HMOX2: variants seen among roughly 807,000 people sequenced by gnomAD.
HMOX2 encodes heme oxygenase 2.
Under a neutral mutation model 33.7 loss-of-function variants are expected in HMOX2, and 30 were observed. The observed-to-expected ratio is 0.89, with a 90% confidence interval of 0.67 to 1.21. The LOEUF is 1.21. HMOX2 is among the 50% of genes most tolerant of loss of function. HMOX2 has a pLI of 0.00. For missense variants in HMOX2, 403 were observed against 399.1 expected (o/e 1.01, Z -0.08); for synonymous variants, 155 against 155.0 (o/e 1.00, Z 0.00).
intron 1 of HMOX2, chr16:4,496,824 G>T (rs2058432721): frequency 6.6e-6 from 1 of 152,078 alleles, no homozygotes; most frequent in African/African-American, 2.4e-5. Flanking sequence ...TTCTGCCAAG[G>T]CAGGAATGGC....
intron 2 of HMOX2, among the ~76,000 whole-genome samples, chr16:4,506,071 A>C (rs1237988364): frequency 1.3e-5 from 2 of 151,848 alleles, no homozygotes; most frequent in Admixed American, 6.6e-5. Flanking sequence ...GTCATTGGCC[A>C]AGTTTTTTTT....
At chr16:4,499,189 T>C (rs2058498153) in intron 1 of HMOX2, among the ~76,000 whole-genome samples, 1 of 152,236 alleles carries the variant, frequency 6.6e-6, no homozygotes. Context: ...ACTTCCTCAG[T>C]AAGAGCTCAA....
At position 4,476,664 on chromosome 16, in the gene HMOX2, G is replaced by C. The variant is rs2057851488; in HGVS notation, c.-42+177G>C. The C allele has an allele frequency of 2.0e-5, 3 of 152,444 alleles. No homozygotes were observed. The South Asian group carries it at 6.2e-4, about 32-fold the overall frequency. 9.4% of individuals were successfully genotyped at this position (152,444 alleles called of 1,614,324 possible). A position where few individuals can be genotyped will look rare whatever the true frequency, so the allele number is the denominator to read the frequency against. On this transcript the variant is annotated intron_variant, in intron 1 of 5. Transcript: ENST00000570646. Reference sequence around the variant, plus strand: ...ACCCGGCCGGGGGCGGCCGGAAGCTGGGTGAGGCCGGGCAGAAGGACGAAG... The same window carrying C: ...ACCCGGCCGGGGGCGGCCGGAAGCTCGGTGAGGCCGGGCAGAAGGACGAAG...
chr16:4,495,149 A>G (rs968403359), intron 1 of HMOX2, among the ~76,000 whole-genome samples: 6 of 152,200 alleles, frequency 3.9e-5, no homozygotes, highest in Non-Finnish European at 5.9e-5. Flanking sequence ...GTTGTCATTC[A>G]TGTGCAAATC....
intron 4 of HMOX2, 62 bp from the exon 5 acceptor site, chr16:4,509,350 T>TAA (rs878966902): frequency 2.9e-4 from 405 of 1,374,870 alleles, no homozygotes; most frequent in African/African-American, 3.7e-4. Context: ...AAAAGACATT[T>TAA]AAAAAAAAAA....
chr16:4,483,973 ATTTTTTTT>A (rs34376283), intron 1 of HMOX2, among the ~76,000 whole-genome samples: 1 of 124,674 alleles, frequency 8.0e-6, no homozygotes, highest in Non-Finnish European at 1.6e-5. Context: ...ATGCCCAAAA[ATTTTTTTT>A]TTTTTTTTTT....
chr16:4,491,823 A>G (rs987914265), intron 1 of HMOX2, among the ~76,000 whole-genome samples: 5 of 151,874 alleles, frequency 3.3e-5, no homozygotes, highest in African/African-American at 7.3e-5. Context: ...AGCTAGGACT[A>G]TAGGCGCATG....
chr16:4,506,301 C>T (rs1397662521), intron 2 of HMOX2, among the ~76,000 whole-genome samples: 1 of 152,174 alleles, frequency 6.6e-6, no homozygotes. Context: ...CACACCTTTA[C>T]AACTGTGTAA....
At position 4,508,128 on chromosome 16, in the gene HMOX2, A is replaced by G. The variant is rs1472137687; in HGVS notation, c.620A>G (p.Asn207Ser). ...QFKQLYRARMNALDLNMKTKE... is the reference protein window; with the variant it reads ...QFKQLYRARMSALDLNMKTKE... ...AAGCAGCTCTACCGGGCCAGGATGA[A>G]CGCCCTGGACCTGAACATGAAGACC... is the stretch of plus-strand genomic sequence containing the variant. Residue 207 changes from asparagine to serine, a missense_variant, in exon 4 of 6, where the codon AAC becomes AGC. Transcript: ENST00000570646. 1 of 1,614,060 alleles carries G rather than the reference A, an allele frequency of 6.2e-7. No homozygotes were observed. Among genetic ancestry groups the G allele is most frequent in the Non-Finnish European group, 8.5e-7 (1 of 1,179,984 alleles).
intron 1 of HMOX2, 103 bp downstream of exon 1, chr16:4,476,590 C>T (rs965545928): frequency 3.3e-5 from 5 of 152,290 alleles, no homozygotes; most frequent in Non-Finnish European, 7.3e-5. Flanking sequence ...CGGACCTGGG[C>T]TTGGCCGGGC....
chr16:4,505,495 C>T lies in HMOX2; in HGVS notation c.-30C>T, dbSNP rs769408204. 47 of 1,552,408 alleles carry T rather than the reference C, an allele frequency of 3.0e-5. 1 individual carries two copies. The highest frequency in any genetic ancestry group is 9.2e-5 in the East Asian group (4 of 43,278). ...TTGTGTCTCTGCAGGACCAGAGGAG[C>T]GAGAGCAGCAAGAACCACACCCAGC... On this transcript the variant is annotated 5_prime_UTR_variant, in exon 2 of 6. Transcript: ENST00000570646.
intron 1 of HMOX2, among the ~76,000 whole-genome samples, chr16:4,479,169 A>G (rs1474394677): frequency 3.9e-5 from 6 of 152,278 alleles, no homozygotes; most frequent in Admixed American, 6.5e-5. Flanking sequence ...AAAAAATTCT[A>G]TCAGAGTGAA....
intron 1 of HMOX2, 150 bp from the exon 2 acceptor site, chr16:4,505,334 G>C (rs2080547070): frequency 3.9e-6 from 2 of 510,848 alleles, no homozygotes; most frequent in South Asian, 7.1e-5. Context: ...TATGGTCCCA[G>C]TAATGGCAGA....
chr16:4,486,222 G>T (rs1596449987), intron 1 of HMOX2, among the ~76,000 whole-genome samples: 1 of 152,194 alleles, frequency 6.6e-6, no homozygotes, highest in South Asian at 2.1e-4. Context: ...TATTTGAGTA[G>T]ATTAAAGACA....
chr16:4,487,951 CAAAAAAA>C (rs71139635), intron 1 of HMOX2, among the ~76,000 whole-genome samples: 3 of 70,658 alleles, frequency 4.2e-5, no homozygotes, highest in Non-Finnish European at 9.5e-5. Flanking sequence ...AACTCTGTCT[CAAAAAAA>C]AAAAAAAAAA....
intron 1 of HMOX2, among the ~76,000 whole-genome samples, chr16:4,492,641 C>T (rs1296855162): frequency 6.6e-6 from 1 of 152,172 alleles, no homozygotes; most frequent in African/African-American, 2.4e-5. Context: ...ATCCCTTGAA[C>T]CCAGGAGGCA....
chr16:4,481,713 C>A (rs2058037395), intron 1 of HMOX2: 1 of 152,170 alleles, frequency 6.6e-6, no homozygotes, highest in Non-Finnish European at 1.5e-5. Context: ...TCTTTGTAGT[C>A]ACAGTACTCA....
At chr16:4,508,691 C>A (rs565887536) in intron 4 of HMOX2, among the ~76,000 whole-genome samples, 1 of 152,242 alleles carries the variant, frequency 6.6e-6, no homozygotes, top group East Asian at 1.9e-4. Context: ...CCTCCCAGGG[C>A]ACTCAGGATG....
At chr16:4,494,400 G>A (rs986662317) in intron 1 of HMOX2, among the ~76,000 whole-genome samples, 9 of 151,780 alleles carry the variant, frequency 5.9e-5, no homozygotes, top group South Asian at 2.1e-4. Context: ...TTTTCTCTTC[G>A]CTCCAATCCT....
Sources: allele counts gnomAD v4.1 joint callset (sites outside exome capture counted in the v4.1 genomes callset), GRCh38; gene constraint gnomAD v4.1.1; transcripts MANE v1.5; gene names NCBI Gene and HGNC (gene_info 2026-07-23, HGNC 2026-07-21).